The following NLRP5 variants were observed in gnomAD, a reference collection of about 807,000 sequenced individuals.
NLRP5 encodes NLR family pyrin domain containing 5, also known as NACHT, LRR and PYD domains-containing protein 5.
NLRP5 carries 93 observed loss-of-function variants against 113.1 expected under a neutral mutation model. The observed-to-expected ratio is 0.82, with a 90% CI of 0.70 to 0.98. The LOEUF is 0.98. Ranked by LOEUF, NLRP5 falls within the 50% of genes least tolerant of loss-of-function variation. NLRP5 has a pLI of 0.00. For synonymous variants in NLRP5, 751 were observed against 600.7 expected, an observed-to-expected ratio of 1.25 and a Z score of -3.66; for missense variants, 1,808 against 1,514.3, an observed-to-expected ratio of 1.19 and a Z score of -3.22.
intron 11 of NLRP5, among the ~76,000 whole-genome samples, chr19:56,047,721 T>C (rs918138487): frequency 2.0e-5 from 3 of 152,256 alleles, no homozygotes; most frequent in African/African-American, 7.2e-5. Context: ...TGAAATGTTC[T>C]GTATAGATCT....
At chr19:56,049,595 GC>G (rs1983856025) in intron 11 of NLRP5, among the ~76,000 whole-genome samples, 1 of 152,086 alleles carries the variant, frequency 6.6e-6, no homozygotes, top group African/African-American at 2.4e-5. Flanking sequence ...ACAGGTGTGA[GC>G]CACCGTGCCC....
At chr19:56,006,961 G>C (rs183736644) in intron 2 of NLRP5, among the ~76,000 whole-genome samples, 2 of 151,030 alleles carry the variant, frequency 1.3e-5, no homozygotes, top group African/African-American at 2.4e-5. Context: ...GGATGGTCTC[G>C]ATCTCCCGAC....
chr19:56,005,082 A>G (rs1981803186), intron 2 of NLRP5, among the ~76,000 whole-genome samples: 1 of 123,158 alleles, frequency 8.1e-6, no homozygotes, highest in Non-Finnish European at 1.7e-5. Flanking sequence ...CAACGGAGTG[A>G]GACTGTGTCT....
intron 9 of NLRP5, among the ~76,000 whole-genome samples, chr19:56,037,329 C>A (rs1198523664): frequency 1.3e-5 from 2 of 152,084 alleles, no homozygotes; most frequent in Non-Finnish European, 2.9e-5. Context: ...AGCAACCAGG[C>A]CTCCACCTTC....
rs750390094 is a variant in NLRP5 at position 56,053,621 on chromosome 19, T to C, written c.3129-17T>C. On this transcript the variant is annotated splice_polypyrimidine_tract_variant and intron_variant, in intron 12 of 14. Coordinates refer to ENST00000390649, the MANE Select transcript of NLRP5 (RefSeq NM_153447.4). The stretch of plus-strand genomic sequence containing the variant: ...CCTCGAGAGAGGCAGACTCTCTCTA[T>C]TCCCCGCCTCTTGCAGGTTGGTAAA... 1.9e-6 allele frequency: 3 copies of C among 1,607,798 alleles called. No individual in the cohort carries two copies. The highest frequency in any genetic ancestry group is 2.7e-5 in the African/African-American group (2 of 74,826).
At chr19:56,009,344 A>AAAAAAAAAAAAAAAAAAAAAC (rs1982090134) in intron 3 of NLRP5, among the ~76,000 whole-genome samples, 1 of 147,776 alleles carries the variant, frequency 6.8e-6, no homozygotes, top group Non-Finnish European at 1.5e-5. Context: ...CATCTCAAAA[A>AAAAAAAAAAAAAAAAAAAAAC]AAAAAAAAAA....
chr19:56,047,215 AT>A (rs1013954345), intron 11 of NLRP5, among the ~76,000 whole-genome samples: 2 of 151,596 alleles, frequency 1.3e-5, no homozygotes, highest in African/African-American at 4.8e-5. Context: ...TATCTTTTGT[AT>A]TTTTTTGTTT....
intron 13 of NLRP5, among the ~76,000 whole-genome samples, chr19:56,055,470 GCTTA>G (rs966297253): frequency 3.4e-5 from 5 of 148,588 alleles, no homozygotes; most frequent in African/African-American, 9.9e-5. Flanking sequence ...TTAAATCAAG[GCTTA>G]CTTATCTTAC....
intron 4 of NLRP5, among the ~76,000 whole-genome samples, chr19:56,017,550 T>A (rs1222507873): frequency 6.6e-6 from 1 of 152,208 alleles, no homozygotes; most frequent in Admixed American, 6.5e-5. Flanking sequence ...TGGCTTCACT[T>A]CCATATATTT....
At chr19:56,053,469 T>C (rs904302380) in intron 12 of NLRP5, among the ~76,000 whole-genome samples, 169 bp from the exon 13 acceptor site, 4 of 152,168 alleles carry the variant, frequency 2.6e-5, no homozygotes, top group African/African-American at 9.7e-5. Flanking sequence ...CTATCATTCC[T>C]CTCTCAAGCC....
rs146177437 is a variant in NLRP5, at chr19:56,010,091, G to A, written c.508+1238G>A. On this transcript the variant is annotated intron_variant, in intron 3 of 14. Coordinates refer to ENST00000390649, the MANE Select transcript of NLRP5 (RefSeq NM_153447.4). ...GACTGAAACAAACCTGACAAAAGCC[G>A]GGGGTCTTGCCATCAGCCACGTTAG... 4.0e-3 allele frequency among the ~76,000 whole-genome samples: 609 copies of A among 152,260 alleles called. 7 individuals carry two copies. Among genetic ancestry groups the A allele is most frequent in the African/African-American group, 0.013 (553 of 41,554 alleles).
At position 56,027,357 on chromosome 19, in the gene NLRP5, C is replaced by T. The variant is rs759848996; in HGVS notation, c.1124C>T (p.Thr375Ile). 1 of 1,613,322 alleles carries T rather than the reference C, an allele frequency of 6.2e-7. No individual in the cohort carries two copies. Among genetic ancestry groups the T allele is most frequent in the South Asian group, 1.1e-5 (1 of 91,002 alleles). The change falls in exon 7 of 15, where the codon ACA becomes ATA. Residue 375 changes from threonine to isoleucine, a missense_variant. Coordinates refer to ENST00000390649, the MANE Select transcript of NLRP5 (RefSeq NM_153447.4). ...CTGGGCTCTGTCCTCAACAATGACA[C>T]AAAGCTCTGCAAAGACTGGGCTGAG...
At chr19:55,996,522 T>G (rs1568477170), upstream of NLRP5, among the ~76,000 whole-genome samples, 1 of 152,144 alleles carries the variant, frequency 6.6e-6, no homozygotes, top group Non-Finnish European at 1.5e-5. Context: ...GTGTGTGACG[T>G]TCCCCTTCCT....
At chr19:56,054,595 C>T (rs1163777933) in intron 13 of NLRP5, among the ~76,000 whole-genome samples, 2 of 147,706 alleles carry the variant, frequency 1.4e-5, no homozygotes, top group East Asian at 2.0e-4. Context: ...CGTGCTGATA[C>T]GTTCCACCAC....
intron 3 of NLRP5, among the ~76,000 whole-genome samples, chr19:56,009,376 A>C (rs1982092980): frequency 7.0e-6 from 1 of 142,156 alleles, no homozygotes; most frequent in African/African-American, 2.6e-5. Context: ...TGTGGTCTTC[A>C]GGCTTTCTTA....
Position 56,030,599 on chromosome 19 carries a change from C to T in NLRP5, c.2277-2012C>T, listed in dbSNP as rs751654632. On this transcript the variant is annotated intron_variant, in intron 7 of 14. Coordinates refer to ENST00000390649, the MANE Select transcript of NLRP5 (RefSeq NM_153447.4). ...AATTTTCCTGTAGATTGGCTGAAAA[C>T]GTGCGCAGCCACAGGCTAAGCACTG... Among the ~76,000 whole-genome samples, 12 of 152,122 alleles carry T rather than the reference C, an allele frequency of 7.9e-5. No individual in the cohort carries two copies. In the South Asian group the frequency reaches 1.0e-3, roughly 13 times the overall value.
chr19:56,026,993 G>C lies in NLRP5; in HGVS notation c.760G>C (p.Glu254Gln). 1.3e-6 allele frequency: 2 copies of C among 1,551,788 alleles called. No individual in the cohort carries two copies. Among genetic ancestry groups the C allele is most frequent in the South Asian group, 1.2e-5 (1 of 84,060 alleles). ...GGAGGAGGATGTACGTCGTAGTTTT[G>C]AAAACACTGCTGCTGACTGGCCGGA... The change falls in exon 7 of 15, where the codon GAA (glutamate) becomes CAA (glutamine). Residue 254 changes from glutamate to glutamine, a missense_variant. Glu to Gln is a conservative substitution (Grantham distance 29, BLOSUM62 2). Coordinates refer to ENST00000390649, the MANE Select transcript of NLRP5 (RefSeq NM_153447.4).
Position 56,053,695 on chromosome 19 carries a change from G to T in NLRP5, c.3186G>T (p.Ser1062=). The change falls in exon 13 of 15, where the codon TCG becomes TCT. Residue 1062 remains serine, a synonymous_variant. Coordinates refer to ENST00000390649, the MANE Select transcript of NLRP5 (RefSeq NM_153447.4). ...GTGAGAGTCTGTCCTGTGTGATCTC[G>T]AGGAGCAGACACCTGAAGAGCCTGG... 1 of 1,613,832 alleles carries T rather than the reference G, an allele frequency of 6.2e-7. No individual in the cohort carries two copies. Among genetic ancestry groups the T allele is most frequent in the Non-Finnish European group, 8.5e-7 (1 of 1,179,838 alleles).
chr19:56,050,296 A>C (rs1403573945), intron 11 of NLRP5, 122 bp from the exon 12 acceptor site: 1 of 945,400 alleles, frequency 1.1e-6, no homozygotes, highest in Non-Finnish European at 1.5e-6. Context: ...AAAGAAAAAA[A>C]AACAAATATG....
Sources: allele counts gnomAD v4.1 joint callset (sites outside exome capture counted in the v4.1 genomes callset), GRCh38; gene constraint gnomAD v4.1.1; transcripts MANE v1.5; gene names NCBI Gene and HGNC (gene_info 2026-07-23, HGNC 2026-07-21).